The following UBXN7 variants were observed in gnomAD, a reference collection of about 807,000 sequenced individuals.
UBXN7 encodes the protein UBX domain-containing protein 7.
UBXN7 carries 9 observed loss-of-function variants against 58.0 expected under a neutral mutation model. That is an observed-to-expected ratio of 0.16 (90% CI 0.09 to 0.27). The LOEUF is 0.27. Ranked by LOEUF, UBXN7 falls within the 10% of genes least tolerant of loss-of-function variation. The probability of loss-of-function intolerance (pLI) is 1.00; values close to 1 mark genes in which losing one functional copy is unlikely to be tolerated. For missense variants in UBXN7, 328 were observed against 599.6 expected (o/e 0.55, Z 4.73); for synonymous variants, 208 against 205.0 (o/e 1.01, Z -0.12).
At chr3:196,417,096 A>C (rs371379384) in intron 1 of UBXN7, among the ~76,000 whole-genome samples, 2 of 152,108 alleles carry the variant, frequency 1.3e-5, no homozygotes, top group Middle Eastern at 6.8e-3. Context: ...GGCGGATCAC[A>C]AGGTCAGGAG....
chr3:196,420,546 T>A (rs534237425), intron 1 of UBXN7, among the ~76,000 whole-genome samples: 2 of 149,838 alleles, frequency 1.3e-5, no homozygotes, highest in South Asian at 2.1e-4. Context: ...AAAAAAAAAA[T>A]TAAATTAAAT....
At chr3:196,371,344 TATAG>T (rs1268757135) in intron 6 of UBXN7, among the ~76,000 whole-genome samples, 2 of 152,226 alleles carry the variant, frequency 1.3e-5, no homozygotes, top group Non-Finnish European at 2.9e-5. Context: ...GTATTAGTTA[TATAG>T]ATATATTGAT....
At chr3:196,380,644 C>A (rs1454953848) in intron 5 of UBXN7, among the ~76,000 whole-genome samples, 4 of 152,206 alleles carry the variant, frequency 2.6e-5, no homozygotes, top group African/African-American at 9.7e-5. Flanking sequence ...CGGGTGCAGC[C>A]CACGGAGGGC....
At chr3:196,385,193 G>C (rs530503861) in intron 5 of UBXN7, among the ~76,000 whole-genome samples, 3 of 152,206 alleles carry the variant, frequency 2.0e-5, no homozygotes, top group Admixed American at 2.0e-4. Flanking sequence ...TGGTGGAGAC[G>C]GGGTTTCGCC....
intron 3 of UBXN7, among the ~76,000 whole-genome samples, chr3:196,396,385 AC>A (rs1394063009): frequency 7.2e-6 from 1 of 139,768 alleles, no homozygotes; most frequent in African/African-American, 2.5e-5. Context: ...ACATACTGAC[AC>A]CCTGTCTCTT....
Position 196,354,039 on chromosome 3 carries a change from G to C in UBXN7, c.*2646C>G, listed in dbSNP as rs1224261448. The C allele has an allele frequency of 2.0e-5, 3 of 152,092 alleles. No individual in the cohort carries two copies. Among genetic ancestry groups the C allele is most frequent in the African/African-American group, 7.2e-5 (3 of 41,398 alleles). The allele number at this position is 152,092 out of a possible 1,614,324, so 9.4% of individuals were successfully genotyped here. ...AAACTGGAAGAAGCATACTGTCAGC[G>C]GATTAAATTCTTGAGCAAGGCAATA... is the stretch of plus-strand genomic sequence containing the variant. On this transcript the variant is annotated 3_prime_UTR_variant, in exon 11 of 11. Coordinates refer to ENST00000296328, the MANE Select transcript of UBXN7 (RefSeq NM_015562.2).
intron 1 of UBXN7, chr3:196,432,043 GCGGA>G (rs1731078471): frequency 1.8e-6 from 1 of 564,800 alleles, no homozygotes; most frequent in Non-Finnish European, 3.2e-6. Context: ...GCCGGCGGGG[GCGGA>G]CGGACTCGGC....
chr3:196,368,687 A>G (rs1728736498), intron 7 of UBXN7, among the ~76,000 whole-genome samples: 1 of 152,214 alleles, frequency 6.6e-6, no homozygotes, highest in Non-Finnish European at 1.5e-5. Flanking sequence ...GCCATTTAGG[A>G]AGAAGAGATT....
rs540104132 is a variant in UBXN7, at chr3:196,356,628, T to C, written c.*57A>G. 4 of 1,536,954 alleles carry C rather than the reference T, an allele frequency of 2.6e-6. No homozygotes were observed. In the South Asian group the frequency reaches 3.9e-5, roughly 15 times the overall value. ...GAGCCAAAATGCATACTTAGTGACA[T>C]GTATCTCACAGGAAAAGGGAAAAAA... is the stretch of plus-strand genomic sequence containing the variant. On this transcript the variant is annotated 3_prime_UTR_variant, in exon 11 of 11. Coordinates refer to ENST00000296328, the MANE Select transcript of UBXN7 (RefSeq NM_015562.2).
intron 10 of UBXN7, among the ~76,000 whole-genome samples, chr3:196,361,329 T>C (rs560969956): frequency 4.6e-5 from 7 of 152,226 alleles, no homozygotes; most frequent in South Asian, 2.1e-4. Flanking sequence ...GGAGATGGAA[T>C]CTACTTCTGC....
intron 5 of UBXN7, among the ~76,000 whole-genome samples, chr3:196,388,615 T>A (rs1395109893): frequency 6.6e-6 from 1 of 152,128 alleles, no homozygotes; most frequent in Non-Finnish European, 1.5e-5. Context: ...CTGGTTAGCA[T>A]GAGCCAGAAA....
chr3:196,417,125 A>T (rs557662029), intron 1 of UBXN7, among the ~76,000 whole-genome samples: 1 of 152,142 alleles, frequency 6.6e-6, no homozygotes, highest in African/African-American at 2.4e-5. Context: ...CATCCTGGCT[A>T]ACACGGTGAA....
At chr3:196,372,486 C>T (rs1337659473) in intron 5 of UBXN7, among the ~76,000 whole-genome samples, 1 of 151,572 alleles carries the variant, frequency 6.6e-6, no homozygotes, top group Non-Finnish European at 1.5e-5. Flanking sequence ...GGATTAAAGG[C>T]GTGCCCCAAC....
intron 3 of UBXN7, among the ~76,000 whole-genome samples, chr3:196,402,392 T>G (rs1730022555): frequency 6.6e-6 from 1 of 152,244 alleles, no homozygotes; most frequent in South Asian, 2.1e-4. Flanking sequence ...CCAAGCAGAT[T>G]GTAATTCCAT....
chr3:196,432,347 T>C lies in UBXN7; in HGVS notation c.53A>G (p.Gln18Arg). The C allele has an allele frequency of 6.2e-7, 1 of 1,610,096 alleles. No homozygotes were observed. Residue 18 changes from glutamine to arginine, a missense_variant, in exon 1 of 11, where the codon CAA (glutamine) becomes CGA (arginine). This residue lies in a region of UBXN7 where 106 missense variants were observed against 124.3 expected (regional missense o/e 0.85). Coordinates refer to ENST00000296328, the MANE Select transcript of UBXN7 (RefSeq NM_015562.2). ...CTTACCGGTAATGGTGGTGAACTGT[T>C]GAATTAACCCCTTCAGCGCCGAGGA... ...AASSALKGLI[Q>R]QFTTITGASE...
chr3:196,394,681 C>T (rs1189726614), intron 3 of UBXN7, among the ~76,000 whole-genome samples: 2 of 152,032 alleles, frequency 1.3e-5, no homozygotes, highest in African/African-American at 2.4e-5. Flanking sequence ...GATGATGCCA[C>T]GTAGAGATGA....
At chr3:196,403,358 C>T (rs187668665) in intron 2 of UBXN7, among the ~76,000 whole-genome samples, 60 of 152,178 alleles carry the variant, frequency 3.9e-4, no homozygotes, top group African/African-American at 1.1e-3. Context: ...GACAGGGTCG[C>T]GCCATGTTGG....
At chr3:196,357,107 AC>A (rs1238585202) in intron 10 of UBXN7, among the ~76,000 whole-genome samples, 3 of 152,218 alleles carry the variant, frequency 2.0e-5, no homozygotes, top group African/African-American at 2.4e-5. Flanking sequence ...CAATAAATAT[AC>A]CCAGTCACTA....
At chr3:196,403,527 C>A (rs902264280) in intron 2 of UBXN7, among the ~76,000 whole-genome samples, 2 of 152,040 alleles carry the variant, frequency 1.3e-5, no homozygotes, top group African/African-American at 4.8e-5. Flanking sequence ...GCATATATAG[C>A]TCAAATGGTT....
Sources: gnomAD v4.1 joint callset for allele counts (sites outside exome capture counted in the v4.1 genomes callset) on GRCh38, gnomAD v4.1.1 for gene constraint, gnomAD v4.1.1 regional missense constraint, MANE v1.5 for transcripts, NCBI Gene and HGNC (gene_info 2026-07-23, HGNC 2026-07-21) for gene names.